The following PTPRD variants were observed in gnomAD, a reference collection of about 807,000 sequenced individuals.
PTPRD encodes protein tyrosine phosphatase receptor type D, also known as receptor-type tyrosine-protein phosphatase delta.
PTPRD carries 34 observed loss-of-function variants against 214.5 expected under a neutral mutation model. The ratio of observed to expected loss-of-function variants is 0.16; its 90% confidence interval spans 0.12 to 0.21. The LOEUF (loss-of-function observed/expected upper bound fraction) is 0.21. Among genes scored for constraint, PTPRD ranks in the 10% least tolerant of loss-of-function variants. The pLI, the probability that PTPRD is intolerant of heterozygous loss-of-function variation, is 1.00. For missense variants in PTPRD, 2,545 were observed against 2,398.7 expected (o/e 1.06, Z -1.27); for synonymous variants, 1,128 against 845.7 (o/e 1.33, Z -5.79).
chr9:8,893,249 A>G (rs771334735), intron 11 of PTPRD, among the ~76,000 whole-genome samples: 1 of 152,342 alleles, frequency 6.6e-6, no homozygotes, highest in East Asian at 1.9e-4. Flanking sequence ...TAAGGAAAAG[A>G]TGTGAACAGA....
chr9:9,826,643 T>C (rs973984658), intron 5 of PTPRD, among the ~76,000 whole-genome samples: 1 of 152,030 alleles, frequency 6.6e-6, no homozygotes, highest in African/African-American at 2.4e-5. Context: ...TCCTTAGTAG[T>C]GATATTCTCT....
intron 7 of PTPRD, among the ~76,000 whole-genome samples, chr9:9,597,817 G>C (rs999783875): frequency 8.6e-5 from 13 of 151,900 alleles, no homozygotes; most frequent in African/African-American, 2.9e-4. Context: ...TGAGAAATTT[G>C]GCAGCAAAGT....
In PTPRD at chr9:8,440,138, G is replaced by C. The variant is rs12336036; in HGVS notation, c.3989-3449C>G. On this transcript the variant is annotated intron_variant, in intron 34 of 45. Coordinates refer to ENST00000381196, the MANE Select transcript of PTPRD (RefSeq NM_002839.4). Reference sequence around the variant, plus strand: ...TTAGAAATCATATCAGGATTTATGAGAATGAGATGAGCTTTCTCTTGGTGA... The same window carrying C: ...TTAGAAATCATATCAGGATTTATGACAATGAGATGAGCTTTCTCTTGGTGA... Among the ~76,000 whole-genome samples, 4 of 151,338 alleles carry C rather than the reference G, an allele frequency of 2.6e-5. No homozygotes were observed. In the East Asian group the frequency reaches 7.8e-4, roughly 29 times the overall value.
At chr9:9,720,603 T>C (rs1030973392) in intron 7 of PTPRD, among the ~76,000 whole-genome samples, 2 of 152,170 alleles carry the variant, frequency 1.3e-5, no homozygotes, top group Non-Finnish European at 2.9e-5. Flanking sequence ...CTAAATCCCA[T>C]GCAGGTGACT....
At position 9,853,770 on chromosome 9, in the gene PTPRD, A is replaced by T. The variant is rs2061001992; in HGVS notation, c.-368+84737T>A. ...CACCATGTTGGCCAGGATGGTCTCA[A>T]TGGTCTCAATTTCTTGACCTCATGA... On this transcript the variant is annotated intron_variant, in intron 5 of 45. Transcript: ENST00000381196. 2.0e-5 allele frequency among the ~76,000 whole-genome samples: 3 copies of T among 152,102 alleles called. 1 individual carries two copies. The South Asian group carries it at 6.2e-4, about 31-fold the overall frequency.
intron 9 of PTPRD, among the ~76,000 whole-genome samples, chr9:9,235,207 C>T (rs1049664138): frequency 6.6e-6 from 1 of 152,016 alleles, no homozygotes; most frequent in African/African-American, 2.4e-5. Context: ...TTATGCAAAC[C>T]CAGTCACTAC....
At chr9:9,928,791 T>A (rs996777720) in intron 5 of PTPRD, among the ~76,000 whole-genome samples, 12 of 103,396 alleles carry the variant, frequency 1.2e-4, no homozygotes, top group African/African-American at 3.5e-4. Context: ...CACACACAAT[T>A]TGCATTTTGG....
chr9:9,055,865 A>G (rs1015018550), intron 10 of PTPRD, among the ~76,000 whole-genome samples: 15 of 151,104 alleles, frequency 9.9e-5, no homozygotes, highest in Non-Finnish European at 2.1e-4. Flanking sequence ...CATATGCATT[A>G]TATATGTTAT....
chr9:10,592,572 C>T (rs112871171), intron 2 of PTPRD, among the ~76,000 whole-genome samples: 2,545 of 151,988 alleles, frequency 0.017, 30 homozygotes, highest in South Asian at 0.037. Context: ...GAGGGGAAGC[C>T]AGCTGGACTT....
intron 11 of PTPRD, among the ~76,000 whole-genome samples, chr9:8,844,643 A>G (rs1357068826): frequency 1.3e-5 from 2 of 152,208 alleles, no homozygotes; most frequent in Non-Finnish European, 2.9e-5. Flanking sequence ...ATATGATTTA[A>G]TAGCTGCCAC....
At chr9:8,339,835 C>CA (rs34436014) in intron 42 of PTPRD, among the ~76,000 whole-genome samples, 88,868 of 147,016 alleles carry the variant, frequency 0.6, 27,899 homozygotes, top group Non-Finnish European at 0.72. Context: ...ATGTGTATTT[C>CA]AAAAAAAAAC....
At chr9:8,953,515 G>A (rs2099114823) in intron 11 of PTPRD, among the ~76,000 whole-genome samples, 1 of 151,914 alleles carries the variant, frequency 6.6e-6, no homozygotes. Flanking sequence ...CCTAATTAAA[G>A]AGCTTCTGCA....
intron 2 of PTPRD, among the ~76,000 whole-genome samples, chr9:10,574,307 G>A (rs557498185): frequency 4.6e-5 from 7 of 151,992 alleles, no homozygotes; most frequent in Non-Finnish European, 8.8e-5. Flanking sequence ...TGTCATTACA[G>A]AGATTCTATC....
chr9:9,989,038 AAAAAAAAC>A (rs1304801290), intron 4 of PTPRD, among the ~76,000 whole-genome samples: 21 of 93,476 alleles, frequency 2.2e-4, no homozygotes, highest in Admixed American at 2.1e-3. Flanking sequence ...AAAAAAAAAA[AAAAAAAAC>A]CACAGACTTT....
chr9:9,742,737 C>T (rs960356466), intron 6 of PTPRD, among the ~76,000 whole-genome samples: 1 of 152,044 alleles, frequency 6.6e-6, no homozygotes, highest in Non-Finnish European at 1.5e-5. Flanking sequence ...TTAGTGTTTC[C>T]ACTTAGACAC....
chr9:9,360,355 T>A (rs1160550469), intron 9 of PTPRD, among the ~76,000 whole-genome samples: 1 of 151,092 alleles, frequency 6.6e-6, no homozygotes, highest in Non-Finnish European at 1.5e-5. Flanking sequence ...GAAAAAGAAA[T>A]CTGAATCTAT....
intron 11 of PTPRD, among the ~76,000 whole-genome samples, chr9:8,859,272 T>C (rs939332039): frequency 6.6e-6 from 1 of 152,224 alleles, no homozygotes; most frequent in African/African-American, 2.4e-5. Flanking sequence ...ACCTCTTCCC[T>C]AGACAAGCAT....
intron 11 of PTPRD, among the ~76,000 whole-genome samples, chr9:8,813,573 T>C (rs2096859773): frequency 6.6e-6 from 1 of 152,076 alleles, no homozygotes; most frequent in African/African-American, 2.4e-5. Context: ...AGGTCTTGCT[T>C]TGTTACCCAC....
intron 19 of PTPRD, among the ~76,000 whole-genome samples, chr9:8,522,005 G>C (rs997298923): frequency 5.9e-5 from 9 of 152,206 alleles, no homozygotes; most frequent in African/African-American, 2.2e-4. Context: ...GTGAATGTAG[G>C]TGTGGGACCA....
Sources: allele counts gnomAD v4.1 joint callset (sites outside exome capture counted in the v4.1 genomes callset), GRCh38; gene constraint gnomAD v4.1.1; transcripts MANE v1.5; gene names NCBI Gene and HGNC (gene_info 2026-07-23, HGNC 2026-07-21).